The following TUBGCP5 variants were observed in gnomAD, a reference collection of about 807,000 sequenced individuals.
TUBGCP5 encodes the protein tubulin gamma complex component 5.
TUBGCP5 carries 98 observed loss-of-function variants against 134.7 expected under a neutral mutation model. That is an observed-to-expected ratio of 0.73 (90% CI 0.62 to 0.86). The LOEUF (loss-of-function observed/expected upper bound fraction) is 0.86, where lower values mean the gene tolerates loss of function less well. Ranked by LOEUF, TUBGCP5 falls within the 40% of genes least tolerant of loss-of-function variation. The probability of loss-of-function intolerance (pLI) is 0.00; values close to 1 mark genes in which losing one functional copy is unlikely to be tolerated. For missense variants in TUBGCP5, 1,150 were observed against 1,244.8 expected, an observed-to-expected ratio of 0.92 and a Z score of 1.15; for synonymous variants, 456 against 431.4, an observed-to-expected ratio of 1.06 and a Z score of -0.71.
At chr15:23,005,377 C>T (rs991616048) in intron 19 of TUBGCP5, 55 bp downstream of exon 19, 12 of 1,557,812 alleles carry the variant, frequency 7.7e-6, no homozygotes, top group African/African-American at 2.7e-5. Flanking sequence ...TAATTCTCTA[C>T]GAACAACTGT....
chr15:23,009,592 T>A (rs1159696611), intron 15 of TUBGCP5, among the ~76,000 whole-genome samples: 2 of 152,122 alleles, frequency 1.3e-5, no homozygotes, highest in African/African-American at 4.8e-5. Context: ...TTTATGAACT[T>A]TACAAAGTTC....
intron 10 of TUBGCP5, 161 bp downstream of exon 10, chr15:23,023,786 G>T: frequency 3.0e-6 from 2 of 658,044 alleles, no homozygotes; most frequent in Non-Finnish European, 2.3e-6. Context: ...TTAGAGATAT[G>T]AATGGCTTAA....
chr15:23,005,937 C>T, intron 18 of TUBGCP5, 115 bp downstream of exon 18: 1 of 1,099,706 alleles, frequency 9.1e-7, no homozygotes, highest in Non-Finnish European at 1.2e-6. Flanking sequence ...GATCAACAAC[C>T]ACCAACTTTT....
chr15:22,993,230 G>C (rs184446033), intron 23 of TUBGCP5, among the ~76,000 whole-genome samples: 21 of 151,358 alleles, frequency 1.4e-4, no homozygotes, highest in Non-Finnish European at 2.7e-4. Context: ...CTCCTAAGTA[G>C]CTGGGATCAC....
chr15:23,022,962 T>G (rs1279640112), intron 10 of TUBGCP5: 1 of 152,200 alleles, frequency 6.6e-6, no homozygotes, highest in African/African-American at 2.4e-5. Flanking sequence ...AAACAGGTAT[T>G]CATCTACTTG....
chr15:23,007,236 T>C lies in TUBGCP5; in HGVS notation c.2328-884A>G, dbSNP rs112914188. On this transcript the variant is annotated intron_variant, in intron 16 of 22. Transcript: ENST00000615383. ...GGCTAACCCAGTGAAACCCCGTCTC[T>C]ATAAAAATACAAAAAATTAGCTGGG... Among the ~76,000 whole-genome samples the C allele has an allele frequency of 4.0e-3, 614 of 152,150 alleles. 6 individuals carry two copies. Among genetic ancestry groups the C allele is most frequent in the African/African-American group, 0.014 (597 of 41,500 alleles).
In TUBGCP5 at chr15:23,039,548, C is replaced by A. The variant is rs4778301; in HGVS notation, c.-5G>T. ...CGGTGGCCCGTGCCGCGCCATGTTC[C>A]GCGCTCCTGCAGCGCGCGTCTAACG... is the stretch of plus-strand genomic sequence containing the variant. On this transcript the variant is annotated 5_prime_UTR_variant, in exon 1 of 23. Coordinates refer to ENST00000615383, the MANE Select transcript of TUBGCP5 (RefSeq NM_052903.6). 0.014 allele frequency: 19,562 copies of A among 1,445,312 alleles called. 872 individuals are homozygous for A. The highest frequency in any genetic ancestry group is 0.13 in the African/African-American group (9,162 of 68,496). 89.5% of individuals were successfully genotyped at this position (1,445,312 alleles called of 1,614,324 possible).
intron 13 of TUBGCP5, among the ~76,000 whole-genome samples, chr15:23,012,682 AGC>A (rs1207521894): frequency 5.3e-5 from 8 of 152,230 alleles, no homozygotes; most frequent in African/African-American, 1.9e-4. Flanking sequence ...CTGGGATTAC[AGC>A]ATAAAACTTT....
In TUBGCP5 at chr15:23,036,904, T is replaced by C. The variant is rs1242984122; in HGVS notation, c.302A>G (p.Glu101Gly). The C allele has an allele frequency of 7.5e-6, 12 of 1,592,528 alleles. No individual in the cohort carries two copies. The Middle Eastern group carries it at 6.7e-4, about 88-fold the overall frequency. The change falls in exon 3 of 23, where the codon GAA becomes GGA. Residue 101 changes from glutamate (E) to glycine (G), a missense_variant. By Grantham distance (98) the Glu-to-Gly change is moderately conservative (BLOSUM62 -2). Around this residue, in one of 2 missense-constraint regions of TUBGCP5, gnomAD observed 453 missense variants for 394.7 expected, o/e 1.15. Transcript: ENST00000615383. ...TCATAATTGAAGGCATACCTTTATT[T>C]CCTTTATACTGGGAAGTGGTGCATT... ...FLNAPLPSIK[E>G]IKTDAHYSIL...
intron 13 of TUBGCP5, among the ~76,000 whole-genome samples, chr15:23,011,980 G>A (rs1473796315): frequency 1.3e-5 from 2 of 151,538 alleles, no homozygotes; most frequent in Non-Finnish European, 2.9e-5. Context: ...GCAGTGGAAT[G>A]TGCCTGTGGT....
chr15:22,994,794 G>C (rs922151944), downstream of TUBGCP5, among the ~76,000 whole-genome samples: 5 of 152,174 alleles, frequency 3.3e-5, no homozygotes, highest in African/African-American at 1.2e-4. Flanking sequence ...GTTTAACAGT[G>C]TAAAAGACTG....
chr15:23,024,588 A>G, intron 9 of TUBGCP5, 149 bp downstream of exon 9: 1 of 534,236 alleles, frequency 1.9e-6, no homozygotes, highest in South Asian at 3.1e-5. Flanking sequence ...CTTTTTGGAT[A>G]TTAAATATTT....
rs1055257006 is a variant in TUBGCP5 at position 23,013,692 on chromosome 15, C to T, written c.1757-2361G>A. Among the ~76,000 whole-genome samples, 5 of 152,210 alleles carry T rather than the reference C, an allele frequency of 3.3e-5. No individual in the cohort carries two copies. The highest frequency in any genetic ancestry group is 1.3e-4 in the Admixed American group (2 of 15,284). ...CTACAGGAGGATTCCACAGTTCCCACGAGCTCTGAGCCCAGTTTGGAGAGC... is the reference window on the plus strand; with the variant it reads ...CTACAGGAGGATTCCACAGTTCCCATGAGCTCTGAGCCCAGTTTGGAGAGC... On this transcript the variant is annotated intron_variant, in intron 13 of 22. Coordinates refer to ENST00000615383, the MANE Select transcript of TUBGCP5 (RefSeq NM_052903.6). This position sits in a 1 kb window ranked among gnomAD's most constrained non-coding sequence, Gnocchi z 4.5.
At chr15:23,008,448 A>AAG (rs918007851) in intron 16 of TUBGCP5, 13 of 462,400 alleles carry the variant, frequency 2.8e-5, no homozygotes, top group African/African-American at 2.5e-4. Context: ...TAGTAGAGAC[A>AAG]GAGTTTCACC....
At chr15:23,000,400 G>C in intron 22 of TUBGCP5, 169 bp downstream of exon 22, 1 of 1,395,986 alleles carries the variant, frequency 7.2e-7, no homozygotes, top group Non-Finnish European at 9.3e-7. Flanking sequence ...TCACCTCACC[G>C]TAATGCTTAA....
At chr15:23,026,299 G>A (rs541249382) in intron 7 of TUBGCP5, 94 bp from the exon 8 acceptor site, 3 of 1,083,572 alleles carry the variant, frequency 2.8e-6, no homozygotes, top group Admixed American at 1.8e-5. Flanking sequence ...GCTAACTTAA[G>A]TAGCAATCAA....
At chr15:22,996,367 G>A (rs1258699925), downstream of TUBGCP5, among the ~76,000 whole-genome samples, 2 of 152,100 alleles carry the variant, frequency 1.3e-5, no homozygotes, top group African/African-American at 2.4e-5. Context: ...GTCTTGGGCT[G>A]GGTGCAATGG....
At chr15:23,036,780 C>T (rs1595916286) in intron 3 of TUBGCP5, 117 bp downstream of exon 3, 6 of 738,556 alleles carry the variant, frequency 8.1e-6, no homozygotes, top group South Asian at 4.0e-5. Context: ...CAAGAGATCC[C>T]GTTAGCCAGT....
chr15:22,997,682 T>G (rs943974898), downstream of TUBGCP5, among the ~76,000 whole-genome samples: 5 of 151,642 alleles, frequency 3.3e-5, no homozygotes, highest in African/African-American at 1.2e-4. Flanking sequence ...AGTGGCATGA[T>G]CTCAGCTCAC....
Sources: gnomAD v4.1 joint callset for allele counts (sites outside exome capture counted in the v4.1 genomes callset) on GRCh38, gnomAD v4.1.1 for gene constraint, gnomAD v4.1.1 regional missense constraint, Gnocchi (gnomAD v3.1) non-coding constraint, MANE v1.5 for transcripts, NCBI Gene and HGNC (gene_info 2026-07-23, HGNC 2026-07-21) for gene names.